The following KLF3 variants were observed in gnomAD, a reference collection of about 807,000 sequenced individuals.
KLF3 encodes KLF transcription factor 3, also known as Krueppel-like factor 3.
Under a neutral mutation model 32.7 loss-of-function variants are expected in KLF3, and 6 were observed. That is an observed-to-expected ratio of 0.18 (90% confidence interval 0.10 to 0.36). The LOEUF (loss-of-function observed/expected upper bound fraction) is 0.36. Ranked by LOEUF, KLF3 falls within the 10% of genes least tolerant of loss-of-function variation. The pLI is 1.00. For missense variants in KLF3, 338 were observed against 449.7 expected (o/e 0.75, Z 2.25); for synonymous variants, 145 against 172.8 (o/e 0.84, Z 1.26).
chr4:38,689,909 G>C (rs750945129), intron 4 of KLF3, 30 bp downstream of exon 4: 1 of 1,589,420 alleles, frequency 6.3e-7, no homozygotes, highest in South Asian at 1.2e-5. Flanking sequence ...CCCAGCATTT[G>C]CATAGTAGTG....
intron 2 of KLF3, among the ~76,000 whole-genome samples, chr4:38,683,290 C>T (rs193277282): frequency 4.0e-4 from 61 of 152,224 alleles, no homozygotes; most frequent in East Asian, 3.9e-4. Flanking sequence ...CCCCTCTTCC[C>T]ACCCCCTAAA....
Position 38,697,529 on chromosome 4 carries a change from T to TA in KLF3, c.*267dup. Reference sequence around the variant, plus strand: ...ATGCTAAGCAAACCCTTCTTACAGATACGTTTAATGTAATAAGAACAAGGG... The same window carrying TA: ...ATGCTAAGCAAACCCTTCTTACAGATAACGTTTAATGTAATAAGAACAAGGG... On this transcript the variant is annotated 3_prime_UTR_variant, in exon 6 of 6. Transcript: ENST00000261438. 4 of 361,458 alleles carry TA rather than the reference T, an allele frequency of 1.1e-5. No homozygotes were observed. The highest frequency in any genetic ancestry group is 2.0e-5 in the Non-Finnish European group (4 of 200,206). 22.4% of individuals were successfully genotyped at this position (361,458 alleles called of 1,614,324 possible).
At chr4:38,678,914 T>C (rs1722436913) in intron 1 of KLF3, among the ~76,000 whole-genome samples, 1 of 152,230 alleles carries the variant, frequency 6.6e-6, no homozygotes, top group Non-Finnish European at 1.5e-5. Context: ...TGAAGTCGAT[T>C]TCTGAAAGTG....
intron 2 of KLF3, chr4:38,680,958 G>A (rs974632761): frequency 7.0e-6 from 2 of 284,038 alleles, no homozygotes; most frequent in African/African-American, 4.3e-5. Flanking sequence ...GCTGAGGCAG[G>A]AGAGTCGCTT....
At position 38,700,116 on chromosome 4, in the gene KLF3, T is replaced by C. The variant is rs1560422594; in HGVS notation, c.*2853T>C. The stretch of plus-strand genomic sequence containing the variant: ...CAGAATCCATCGTATTTTAGAGTTA[T>C]GTGAATCTACATCATAAATGGGCAT... On this transcript the variant is annotated 3_prime_UTR_variant, in exon 6 of 6. Coordinates refer to ENST00000261438, the MANE Select transcript of KLF3 (RefSeq NM_016531.6). The C allele has an allele frequency of 6.6e-6, 1 of 152,242 alleles. No homozygotes were observed. Among genetic ancestry groups the C allele is most frequent in the African/African-American group, 2.4e-5 (1 of 41,464 alleles). The allele number at this position is 152,242 out of a possible 1,614,324, so 9.4% of individuals were successfully genotyped here.
rs945498792 is a variant in KLF3 at position 38,701,335 on chromosome 4, G to A, written c.*4072G>A. ...CTAGTTCATTCTTGAAATACTTCTT[G>A]TATTTGTTATTTATGAACCCCTGCC... is the stretch of plus-strand genomic sequence containing the variant. On this transcript the variant is annotated 3_prime_UTR_variant, in exon 6 of 6. Coordinates refer to ENST00000261438, the MANE Select transcript of KLF3 (RefSeq NM_016531.6). Among the ~76,000 whole-genome samples, 5 of 151,986 alleles carry A rather than the reference G, an allele frequency of 3.3e-5. No homozygotes were observed. The highest frequency in any genetic ancestry group is 1.2e-4 in the African/African-American group (5 of 41,388).
At chr4:38,680,937 C>T (rs1455596145) in intron 2 of KLF3, 2 of 327,438 alleles carry the variant, frequency 6.1e-6, no homozygotes, top group Non-Finnish European at 1.2e-5. Context: ...GTAATCCCAG[C>T]TACTCGGGAG....
Position 38,664,257 on chromosome 4 carries a change from G to C in KLF3, c.-244G>C, listed in dbSNP as rs1247974470. ...GGAGTTGGTGCCAGGAGCCAGAGGG[G>C]AGCCAGGAGCGGAGCCGCGCGGAGC... On this transcript the variant is annotated 5_prime_UTR_variant, in exon 1 of 6. Transcript: ENST00000261438. 1 of 152,082 alleles carries C rather than the reference G, an allele frequency of 6.6e-6. No individual in the cohort carries two copies. The highest frequency in any genetic ancestry group is 6.6e-5 in the Admixed American group (1 of 15,250). 9.4% of individuals were successfully genotyped at this position (152,082 alleles called of 1,614,324 possible). A position where few individuals can be genotyped will look rare whatever the true frequency, so the allele number is the denominator to read the frequency against.
chr4:38,669,160 C>T (rs1019685754), intron 1 of KLF3, among the ~76,000 whole-genome samples: 7 of 152,172 alleles, frequency 4.6e-5, no homozygotes, highest in Non-Finnish European at 7.3e-5. Context: ...CTAGGAATTA[C>T]AATTACATTA....
chr4:38,699,886 G>A lies in KLF3; in HGVS notation c.*2623G>A, dbSNP rs1048956463. ...CTCTTAGTCATTTTTAGCTGTTATT[G>A]TGGAAGACCTCAAATACAAGATTAG... On this transcript the variant is annotated 3_prime_UTR_variant, in exon 6 of 6. Transcript: ENST00000261438. 1.3e-5 allele frequency: 2 copies of A among 152,100 alleles called. No individual in the cohort carries two copies. The highest frequency in any genetic ancestry group is 2.9e-5 in the Non-Finnish European group (2 of 68,004). The allele number at this position is 152,100 out of a possible 1,614,324, so 9.4% of individuals were successfully genotyped here.
intron 1 of KLF3, among the ~76,000 whole-genome samples, chr4:38,668,912 A>G (rs1386396736): frequency 6.6e-6 from 1 of 152,246 alleles, no homozygotes; most frequent in Admixed American, 6.5e-5. Flanking sequence ...TATAGTTGCT[A>G]TGATTACCAG....
At chr4:38,667,888 T>G (rs1005315642) in intron 1 of KLF3, among the ~76,000 whole-genome samples, 3 of 152,154 alleles carry the variant, frequency 2.0e-5, no homozygotes, top group Non-Finnish European at 4.4e-5. Context: ...TTTAGAAAAA[T>G]CATTGAAGCA....
Position 38,697,026 on chromosome 4 carries a change from G to GTTT in KLF3, c.857-56_857-55insTTT. ...AATATTTGTCAAGCATTAACTCAAA[G>GTTT]ATCTTTACTACCTTTACAGAAAAAA... On this transcript the variant is annotated intron_variant, in intron 5 of 5. Transcript: ENST00000261438. The GTTT allele has an allele frequency of 2.8e-6, 4 of 1,426,692 alleles. No homozygotes were observed. In the South Asian group the frequency reaches 5.5e-5, roughly 20 times the overall value. 88.4% of individuals were successfully genotyped at this position (1,426,692 alleles called of 1,614,324 possible). A position where few individuals can be genotyped will look rare whatever the true frequency, so the allele number is the denominator to read the frequency against.
At chr4:38,684,829 T>G (rs1417367004) in intron 2 of KLF3, among the ~76,000 whole-genome samples, 1 of 152,178 alleles carries the variant, frequency 6.6e-6, no homozygotes, top group African/African-American at 2.4e-5. Flanking sequence ...GTGCTGGAGT[T>G]AAAAGTGTGA....
At chr4:38,667,213 G>C (rs543961794) in intron 1 of KLF3, among the ~76,000 whole-genome samples, 47 of 152,320 alleles carry the variant, frequency 3.1e-4, no homozygotes, top group Non-Finnish European at 4.9e-4. Context: ...GGGAGGGCCG[G>C]CTAAATGTTT....
chr4:38,697,313 C>G lies in KLF3; in HGVS notation c.*50C>G, dbSNP rs779481357. The G allele has an allele frequency of 6.8e-6, 10 of 1,479,294 alleles. No individual in the cohort carries two copies. Among genetic ancestry groups the G allele is most frequent in the Non-Finnish European group, 9.2e-6 (10 of 1,087,206 alleles). 91.6% of individuals were successfully genotyped at this position (1,479,294 alleles called of 1,614,324 possible). ...TGACTCCCCACTCACCTGGCTCTCT[C>G]TCTGTCCTGCCTCCCATTATCTAAC... On this transcript the variant is annotated 3_prime_UTR_variant, in exon 6 of 6. Transcript: ENST00000261438.
At chr4:38,692,828 A>G (rs2109255310) in intron 4 of KLF3, among the ~76,000 whole-genome samples, 1 of 152,250 alleles carries the variant, frequency 6.6e-6, no homozygotes, top group East Asian at 1.9e-4. Flanking sequence ...TATCCCAAAG[A>G]CATATAAAAG....
rs1357582353 is a variant in KLF3 at position 38,688,873 on chromosome 4, C to T, written c.346C>T (p.Pro116Ser). The stretch of plus-strand genomic sequence containing the variant: ...CTCACCCCCTTCTCCAGGCGTGCAG[C>T]CCTTCGGCGTGCCGCTGTCCATGCC... Reference protein sequence around the residue: ...KYSPPSPGVQPFGVPLSMPPV... With the variant: ...KYSPPSPGVQSFGVPLSMPPV... The change falls in exon 3 of 6, where the codon CCC becomes TCC. Residue 116 changes from proline (P) to serine (S), a missense_variant. Physicochemically the swap from Pro to Ser is moderately conservative, Grantham distance 74 (BLOSUM62 -1). This residue lies in a region of KLF3 where 272 missense variants were observed against 313.4 expected (regional missense o/e 0.87). Coordinates refer to ENST00000261438, the MANE Select transcript of KLF3 (RefSeq NM_016531.6). The surrounding 1 kb of genome is among the most constrained non-coding windows in gnomAD (Gnocchi z 4.9). 3 of 1,614,238 alleles carry T rather than the reference C, an allele frequency of 1.9e-6. No homozygotes were observed. The highest frequency in any genetic ancestry group is 2.5e-6 in the Non-Finnish European group (3 of 1,180,040).
At chr4:38,689,093 T>C (rs1722795672) in intron 3 of KLF3, 22 bp downstream of exon 3, 2 of 1,610,272 alleles carry the variant, frequency 1.2e-6, no homozygotes, top group Admixed American at 3.3e-5. Context: ...CACTGCTCCA[T>C]GCTGCTGCAC....
Sources: allele counts gnomAD v4.1 joint callset (sites outside exome capture counted in the v4.1 genomes callset), GRCh38; gene constraint gnomAD v4.1.1; regional missense constraint gnomAD v4.1.1; non-coding constraint Gnocchi (gnomAD v3.1); transcripts MANE v1.5; gene names NCBI Gene and HGNC (gene_info 2026-07-23, HGNC 2026-07-21).